The following CDK14 variants were observed in gnomAD, a reference collection of about 807,000 sequenced individuals.
CDK14 encodes the protein cyclin-dependent kinase 14.
In CDK14, 34 loss-of-function variants were observed where a neutral mutation model predicts 60.7. The observed-to-expected ratio is 0.56, with a 90% confidence interval of 0.43 to 0.75. The LOEUF (loss-of-function observed/expected upper bound fraction) is 0.75, where lower values mean the gene tolerates loss of function less well. Among genes scored for constraint, CDK14 ranks in the 30% least tolerant of loss-of-function variants. CDK14 has a pLI of 0.00. For missense variants in CDK14, 482 were observed against 564.1 expected (o/e 0.85, Z 1.47); for synonymous variants, 197 against 203.7 (o/e 0.97, Z 0.28).
chr7:90,643,633 C>G (rs759416613), intron 2 of CDK14, among the ~76,000 whole-genome samples: 1 of 152,128 alleles, frequency 6.6e-6, no homozygotes, highest in East Asian at 1.9e-4. Context: ...CTTTCTGTGT[C>G]GAACCGCTTT....
intron 2 of CDK14, among the ~76,000 whole-genome samples, chr7:90,706,604 G>C (rs937331073): frequency 2.6e-5 from 4 of 152,122 alleles, no homozygotes; most frequent in Non-Finnish European, 4.4e-5. Context: ...AACAGCAGAG[G>C]AAAGCCAGAG....
At chr7:90,937,496 A>T (rs936709178) in intron 8 of CDK14, among the ~76,000 whole-genome samples, 1 of 152,214 alleles carries the variant, frequency 6.6e-6, no homozygotes, top group African/African-American at 2.4e-5. Context: ...TCAAGTAAAC[A>T]TTGTATTTCT....
At chr7:90,903,726 C>G (rs185314028) in intron 7 of CDK14, among the ~76,000 whole-genome samples, 2 of 151,980 alleles carry the variant, frequency 1.3e-5, no homozygotes, top group Admixed American at 6.6e-5. Flanking sequence ...GGAATGTTCC[C>G]AAGACAAAGA....
intron 2 of CDK14, among the ~76,000 whole-genome samples, chr7:90,681,888 C>A (rs1308100596): frequency 5.9e-5 from 9 of 152,080 alleles, no homozygotes. Context: ...TTCTTCACTG[C>A]ATTTCAAAAG....
At chr7:90,863,670 A>ATGTG (rs111580477) in intron 6 of CDK14, among the ~76,000 whole-genome samples, 20,350 of 145,830 alleles carry the variant, frequency 0.14, 1,393 homozygotes, top group South Asian at 0.2. Context: ...TTATTAAGAT[A>ATGTG]TGTGTGTGTG....
chr7:91,089,908 G>A (rs1798751895), intron 12 of CDK14, among the ~76,000 whole-genome samples: 1 of 152,132 alleles, frequency 6.6e-6, no homozygotes, highest in Non-Finnish European at 1.5e-5. Flanking sequence ...CTTTACTGAA[G>A]TGTAGAATTT....
In CDK14 at chr7:91,111,372, G is replaced by C. The variant is rs146778021; in HGVS notation, c.1155-1170G>C. On this transcript the variant is annotated intron_variant, in intron 12 of 14. Coordinates refer to ENST00000380050, the MANE Select transcript of CDK14 (RefSeq NM_001287135.2). ...TAATTGTGTCTTGAGTAGCTTCAAG[G>C]ATTTTTAAAGAAATACCTACTGGAA... Among the ~76,000 whole-genome samples, 1,091 of 152,242 alleles carry C rather than the reference G, an allele frequency of 7.2e-3. 7 individuals carry two copies. Among genetic ancestry groups the C allele is most frequent in the African/African-American group, 0.023 (963 of 41,552 alleles).
intron 8 of CDK14, among the ~76,000 whole-genome samples, chr7:90,946,895 C>T (rs1035466810): frequency 7.9e-5 from 12 of 152,178 alleles, no homozygotes; most frequent in African/African-American, 2.7e-4. Flanking sequence ...CCGCTGTTAC[C>T]CTGCAAGCCA....
rs1490908232 is a variant in CDK14, at chr7:91,210,174, A to T, written c.*3038A>T. The T allele has an allele frequency of 6.6e-6, 1 of 152,634 alleles. No individual in the cohort carries two copies. The highest frequency in any genetic ancestry group is 1.9e-4 in the East Asian group (1 of 5,200). 9.5% of individuals were successfully genotyped at this position (152,634 alleles called of 1,614,324 possible). A position where few individuals can be genotyped will look rare whatever the true frequency, so the allele number is the denominator to read the frequency against. ...GTAGGCAGAGGAAACTGTATATGTT[A>T]CTGCCTTGTACTTTTCTCATACACC... On this transcript the variant is annotated 3_prime_UTR_variant, in exon 15 of 15. Transcript: ENST00000380050.
intron 12 of CDK14, among the ~76,000 whole-genome samples, chr7:91,104,448 T>C (rs1799229211): frequency 6.6e-6 from 1 of 152,184 alleles, no homozygotes. Flanking sequence ...TTGTGAAAAA[T>C]CTGCAGTCTT....
chr7:90,822,705 CATAATG>C (rs1171067664), intron 5 of CDK14, among the ~76,000 whole-genome samples: 1 of 152,154 alleles, frequency 6.6e-6, no homozygotes, highest in African/African-American at 2.4e-5. Flanking sequence ...TACAATAAAA[CATAATG>C]TTGCCTGAAA....
At chr7:90,655,482 C>G (rs1320430294) in intron 2 of CDK14, among the ~76,000 whole-genome samples, 1 of 152,132 alleles carries the variant, frequency 6.6e-6, no homozygotes, top group East Asian at 1.9e-4. Context: ...AGGGCAGATA[C>G]TGACTTCCTT....
At chr7:91,081,297 A>C (rs1798476735) in intron 12 of CDK14, among the ~76,000 whole-genome samples, 1 of 152,210 alleles carries the variant, frequency 6.6e-6, no homozygotes, top group South Asian at 2.1e-4. Flanking sequence ...GAGTGAGATC[A>C]GAATTCAAAA....
At chr7:90,961,110 G>C (rs1329407089) in intron 9 of CDK14, among the ~76,000 whole-genome samples, 1 of 152,102 alleles carries the variant, frequency 6.6e-6, no homozygotes, top group East Asian at 1.9e-4. Flanking sequence ...CTTTTTACAA[G>C]ACACTACATA....
At chr7:90,954,623 T>C (rs1392894371) in intron 8 of CDK14, among the ~76,000 whole-genome samples, 2 of 16,934 alleles carry the variant, frequency 1.2e-4, no homozygotes, top group Non-Finnish European at 2.7e-4. Context: ...TTTTTCTTTT[T>C]TTTTTTTTTT....
chr7:90,818,162 C>T (rs1789422308), intron 5 of CDK14, among the ~76,000 whole-genome samples: 1 of 152,182 alleles, frequency 6.6e-6, no homozygotes, highest in South Asian at 2.1e-4. Context: ...CAAATGCACA[C>T]AGTCCTCTCT....
intron 2 of CDK14, among the ~76,000 whole-genome samples, chr7:90,720,037 A>G (rs1030556921): frequency 2.6e-5 from 4 of 152,194 alleles, no homozygotes; most frequent in Non-Finnish European, 5.9e-5. Context: ...CCACGAGTTA[A>G]TGAACAAATC....
intron 5 of CDK14, among the ~76,000 whole-genome samples, chr7:90,794,518 T>G (rs1316656459): frequency 6.6e-6 from 1 of 152,172 alleles, no homozygotes; most frequent in Non-Finnish European, 1.5e-5. Flanking sequence ...TCAGGGATGT[T>G]CTTTGCTGAG....
chr7:91,076,517 C>T (rs1208653185), intron 11 of CDK14, among the ~76,000 whole-genome samples: 1 of 151,924 alleles, frequency 6.6e-6, no homozygotes, highest in Non-Finnish European at 1.5e-5. Context: ...AATTAAAGAC[C>T]TAAATATAAA....
Sources: gnomAD v4.1 joint callset for allele counts (sites outside exome capture counted in the v4.1 genomes callset) on GRCh38, gnomAD v4.1.1 for gene constraint, MANE v1.5 for transcripts, NCBI Gene and HGNC (gene_info 2026-07-23, HGNC 2026-07-21) for gene names.